RBFOX1: variants seen among roughly 807,000 people sequenced by gnomAD.
The protein encoded by RBFOX1 is RNA binding fox-1 homolog 1.
A neutral mutation model predicts 57.7 loss-of-function variants in RBFOX1; 8 were observed. The ratio of observed to expected loss-of-function variants is 0.14; its 90% CI spans 0.08 to 0.25. The LOEUF (loss-of-function observed/expected upper bound fraction) is 0.25. Among genes scored for constraint, RBFOX1 ranks in the 10% least tolerant of loss-of-function variants. The pLI, the probability that RBFOX1 is intolerant of heterozygous loss-of-function variation, is 1.00. For synonymous variants in RBFOX1, 326 were observed against 222.4 expected, an observed-to-expected ratio of 1.47 and a Z score of -4.15; for missense variants, 611 against 548.5, an observed-to-expected ratio of 1.11 and a Z score of -1.14.
chr16:6,594,626 G>C (rs1003841891), intron 2 of RBFOX1, among the ~76,000 whole-genome samples: 1 of 152,090 alleles, frequency 6.6e-6, no homozygotes, highest in Non-Finnish European at 1.5e-5. Flanking sequence ...ACTTGGGCTA[G>C]GACCCTAAAT....
intron 1 of RBFOX1, among the ~76,000 whole-genome samples, chr16:5,429,491 G>C (rs1364315815): frequency 1.3e-5 from 2 of 152,182 alleles, no homozygotes; most frequent in East Asian, 3.9e-4. Flanking sequence ...GATTGATTTT[G>C]AGGGGCCTGT....
chr16:6,371,462 T>C (rs147059246), intron 2 of RBFOX1, among the ~76,000 whole-genome samples: 32 of 152,334 alleles, frequency 2.1e-4, no homozygotes, highest in African/African-American at 7.2e-4. Context: ...GTTTTGATGC[T>C]CAAGTTGTAT....
chr16:7,674,162 A>G (rs1369684901), intron 13 of RBFOX1, among the ~76,000 whole-genome samples: 1 of 152,202 alleles, frequency 6.6e-6, no homozygotes, highest in Non-Finnish European at 1.5e-5. Flanking sequence ...TTGCATACAG[A>G]AGAAAAATAG....
At chr16:5,546,300 C>T (rs7196311) in intron 2 of RBFOX1, among the ~76,000 whole-genome samples, 4 of 151,896 alleles carry the variant, frequency 2.6e-5, no homozygotes, top group East Asian at 1.9e-4. Flanking sequence ...GGCTTTTTTG[C>T]GGGGTGGAAA....
At chr16:7,065,025 T>C (rs992188938) in intron 4 of RBFOX1, among the ~76,000 whole-genome samples, 6 of 152,214 alleles carry the variant, frequency 3.9e-5, no homozygotes, top group African/African-American at 1.4e-4. Context: ...CAATCCTCTA[T>C]TGTTCGATAT....
chr16:7,565,404 G>A (rs1418784992), intron 5 of RBFOX1, among the ~76,000 whole-genome samples: 2 of 152,032 alleles, frequency 1.3e-5, no homozygotes, highest in Non-Finnish European at 1.5e-5. Flanking sequence ...AATCAAATAG[G>A]TATATTGCAG....
chr16:6,781,146 A>C (rs903789969), intron 3 of RBFOX1, among the ~76,000 whole-genome samples: 1 of 152,012 alleles, frequency 6.6e-6, no homozygotes, highest in Non-Finnish European at 1.5e-5. Context: ...TAAATTCTTT[A>C]ATCCGTTTTG....
intron 1 of RBFOX1, among the ~76,000 whole-genome samples, chr16:6,065,128 A>G (rs190451470): frequency 4.0e-5 from 6 of 151,696 alleles, no homozygotes; most frequent in African/African-American, 1.5e-4. Context: ...CCCGGGCTCA[A>G]GTGATCCTCC....
intron 2 of RBFOX1, among the ~76,000 whole-genome samples, chr16:6,525,925 A>G (rs1285738270): frequency 6.6e-6 from 1 of 151,966 alleles, no homozygotes; most frequent in African/African-American, 2.4e-5. Flanking sequence ...GTCTGCTACA[A>G]GCAGAGAAAA....
intron 3 of RBFOX1, among the ~76,000 whole-genome samples, chr16:6,764,709 G>T (rs1181258663): frequency 1.3e-5 from 2 of 152,138 alleles, no homozygotes; most frequent in Non-Finnish European, 2.9e-5. Flanking sequence ...GGCTGAGGCG[G>T]GTAGGTCACT....
chr16:5,792,913 C>G (rs1261778794), intron 3 of RBFOX1, among the ~76,000 whole-genome samples: 1 of 151,858 alleles, frequency 6.6e-6, no homozygotes, highest in South Asian at 2.1e-4. Flanking sequence ...TTTTAAAGGT[C>G]TTCATTCTCA....
At chr16:6,487,686 AAAAAAAAAAAAAAAATATATATATAT>A (rs1419536564) in intron 2 of RBFOX1, among the ~76,000 whole-genome samples, 28 of 21,786 alleles carry the variant, frequency 1.3e-3, no homozygotes, top group Middle Eastern at 0.019. Flanking sequence ...AAAAAAAAAA[AAAAAAAAAAAAAAAATATATATATAT>A]ATATATATAT....
chr16:7,153,563 A>G (rs1189287989), intron 4 of RBFOX1, among the ~76,000 whole-genome samples: 1 of 150,754 alleles, frequency 6.6e-6, no homozygotes, highest in Admixed American at 6.6e-5. Flanking sequence ...GTGAAACCCC[A>G]TCTCTACTGA....
chr16:7,029,199 TATACGTATAC>T (rs774079035), intron 3 of RBFOX1, among the ~76,000 whole-genome samples: 30,934 of 95,482 alleles, frequency 0.32, 8,040 homozygotes, highest in South Asian at 0.51. Context: ...TACACATATG[TATACGTATAC>T]GTATATATAT....
rs9928710 is a variant in RBFOX1 at position 7,290,083 on chromosome 16, C to T, written c.28-228064C>T. On this transcript the variant is annotated intron_variant, in intron 4 of 15. Coordinates refer to ENST00000550418, the MANE Select transcript of RBFOX1 (RefSeq NM_018723.4). ...CACACCACTGTTTCTCAGATACCTA[C>T]GTACATTTACACCGGTAGAAACCAT... Among the ~76,000 whole-genome samples, 711 of 152,254 alleles carry T rather than the reference C, an allele frequency of 4.7e-3. 5 individuals carry two copies. In the Middle Eastern group the frequency reaches 0.071, roughly 15 times the overall value.
chr16:7,388,452 T>G (rs1336667110), intron 4 of RBFOX1, among the ~76,000 whole-genome samples: 1 of 152,004 alleles, frequency 6.6e-6, no homozygotes, highest in African/African-American at 2.4e-5. Context: ...ATACAACAAA[T>G]ATGGATTTAA....
intron 4 of RBFOX1, among the ~76,000 whole-genome samples, chr16:7,280,415 A>G (rs1603481840): frequency 1.3e-5 from 2 of 152,228 alleles, no homozygotes; most frequent in African/African-American, 2.4e-5. Flanking sequence ...ACAATGTCCA[A>G]GGGATCCCCA....
chr16:5,799,206 C>A (rs895428077), intron 3 of RBFOX1, among the ~76,000 whole-genome samples: 3 of 151,986 alleles, frequency 2.0e-5, no homozygotes, highest in African/African-American at 7.2e-5. Flanking sequence ...CATCAGATCT[C>A]GTGAGACTTA....
At position 5,620,139 on chromosome 16, in the gene RBFOX1, G is replaced by A. The variant is rs373647097; in HGVS notation, c.318+21178G>A. 3.7e-4 allele frequency among the ~76,000 whole-genome samples: 57 copies of A among 152,224 alleles called. 1 individual carries two copies. In the South Asian group the frequency reaches 0.012, roughly 31 times the overall value. ...ATTACAGTCAGGTGGCAATGTTTCT[G>A]AGTAGGCTGCTGGAACCCGAGGAGC... On this transcript the variant is annotated intron_variant, in intron 3 of 19. Transcript: ENST00000641259.
Sources: gnomAD v4.1 joint callset for allele counts (sites outside exome capture counted in the v4.1 genomes callset) on GRCh38, gnomAD v4.1.1 for gene constraint, MANE v1.5 for transcripts, NCBI Gene and HGNC (gene_info 2026-07-23, HGNC 2026-07-21) for gene names.